The following CAST variants were observed in gnomAD, a reference collection of about 807,000 sequenced individuals.
CAST encodes the protein MIR583 host.
A neutral mutation model predicts 119.6 loss-of-function variants in CAST; 76 were observed. The ratio of observed to expected loss-of-function variants is 0.64; its 90% confidence interval spans 0.53 to 0.77. CAST has a LOEUF of 0.77. Ranked by LOEUF, CAST falls within the 30% of genes least tolerant of loss-of-function variation. The probability of loss-of-function intolerance (pLI) is 0.00; values close to 1 mark genes in which losing one functional copy is unlikely to be tolerated. For missense variants in CAST, 953 were observed against 946.5 expected (o/e 1.01, Z -0.09); for synonymous variants, 319 against 331.6 (o/e 0.96, Z 0.41).
chr5:96,217,168 AG>A, the CAST span, among the ~76,000 whole-genome samples: 1 of 148,788 alleles, frequency 6.7e-6, no homozygotes, highest in Non-Finnish European at 1.5e-5. Flanking sequence ...CCTCTGAAAT[AG>A]CTGGGACTAC....
intron 1 of CAST, among the ~76,000 whole-genome samples, chr5:96,536,705 C>A (rs1014122480): frequency 6.6e-6 from 1 of 152,172 alleles, no homozygotes; most frequent in Non-Finnish European, 1.5e-5. Context: ...CCTATTAAAT[C>A]TGTGCATTAT....
chr5:96,546,543 A>G (rs1580818443), intron 1 of CAST: 1 of 114,212 alleles, frequency 8.8e-6, no homozygotes, highest in African/African-American at 3.4e-5. Flanking sequence ...CAAAATGGAA[A>G]TAGTTATCTG....
In CAST at chr5:96,741,480, A is replaced by G. The variant is rs1312265001; in HGVS notation, c.1012-14A>G. On this transcript the variant is annotated splice_polypyrimidine_tract_variant and intron_variant, in intron 14 of 31. Coordinates refer to ENST00000675179, the MANE Select transcript of CAST (RefSeq NM_001750.7). ...CTCATCTGTAAGTCTAATCTTTTGT[A>G]TTTTGTTTTTCAGGAATCTACAGAA... The G allele has an allele frequency of 2.5e-6, 4 of 1,599,162 alleles. No individual in the cohort carries two copies. The highest frequency in any genetic ancestry group is 1.7e-6 in the Non-Finnish European group (2 of 1,166,950).
intron 1 of CAST, among the ~76,000 whole-genome samples, chr5:96,620,211 A>C (rs1226040490): frequency 2.0e-5 from 3 of 152,070 alleles, no homozygotes; most frequent in Non-Finnish European, 4.4e-5. Flanking sequence ...CATATGCCCC[A>C]AATCCAAAAT....
the CAST span, among the ~76,000 whole-genome samples, chr5:96,154,862 A>G: frequency 9.3e-4 from 142 of 152,334 alleles, no homozygotes; most frequent in Middle Eastern, 3.4e-3. Context: ...AACAGGAGTT[A>G]TCACTGTTAA....
At chr5:96,333,831 G>A in the CAST span, among the ~76,000 whole-genome samples, 2 of 152,166 alleles carry the variant, frequency 1.3e-5, no homozygotes, top group Admixed American at 6.5e-5. Context: ...GGCGTTACAT[G>A]CAACCCTTAG....
chr5:96,084,303 G>A, the CAST span, among the ~76,000 whole-genome samples: 2 of 152,154 alleles, frequency 1.3e-5, no homozygotes, highest in African/African-American at 4.8e-5. Flanking sequence ...AGTAGGCAAG[G>A]TATGTTGGGG....
At chr5:96,715,756 G>A (rs2150375323) in intron 3 of CAST, among the ~76,000 whole-genome samples, 1 of 152,208 alleles carries the variant, frequency 6.6e-6, no homozygotes, top group South Asian at 2.1e-4. Context: ...CTCAGAAATA[G>A]TCTCCCTCTT....
At chr5:96,202,843 G>T in the CAST span, among the ~76,000 whole-genome samples, 2 of 152,044 alleles carry the variant, frequency 1.3e-5, no homozygotes, top group Non-Finnish European at 2.9e-5. Flanking sequence ...AGATGTATTT[G>T]TTGAATGAAT....
At chr5:96,304,570 T>C in the CAST span, among the ~76,000 whole-genome samples, 1 of 152,254 alleles carries the variant, frequency 6.6e-6, no homozygotes, top group South Asian at 2.1e-4. Flanking sequence ...TTCTAGGGTT[T>C]TTATGGTTTT....
At chr5:96,639,476 T>C (rs1339666441) in intron 1 of CAST, among the ~76,000 whole-genome samples, 3 of 152,202 alleles carry the variant, frequency 2.0e-5, no homozygotes, top group African/African-American at 4.8e-5. Context: ...CCTGCACTTG[T>C]TCAGAAACTC....
chr5:96,184,787 G>A, the CAST span, among the ~76,000 whole-genome samples: 1 of 152,048 alleles, frequency 6.6e-6, no homozygotes, highest in Non-Finnish European at 1.5e-5. Flanking sequence ...CCATGCCTTT[G>A]CTATTGTGAA....
intron 1 of CAST, among the ~76,000 whole-genome samples, chr5:96,665,904 G>A (rs1488404513): frequency 5.3e-5 from 8 of 151,402 alleles, no homozygotes; most frequent in Non-Finnish European, 1.2e-4. Flanking sequence ...ACAGATGTCT[G>A]TCTGTATGTA....
the CAST span, among the ~76,000 whole-genome samples, chr5:96,337,877 T>C: frequency 2.0e-5 from 3 of 152,228 alleles, no homozygotes; most frequent in African/African-American, 7.2e-5. Flanking sequence ...AGCAAAGACA[T>C]GAACCTAACA....
At chr5:96,529,372 G>GGT (rs533639806), upstream of CAST, among the ~76,000 whole-genome samples, 9 of 146,426 alleles carry the variant, frequency 6.1e-5, no homozygotes, top group East Asian at 1.6e-3. Flanking sequence ...TAATCATTGG[G>GGT]TTTTTTTTTT....
the CAST span, among the ~76,000 whole-genome samples, chr5:96,018,961 G>A: frequency 6.6e-6 from 1 of 152,066 alleles, no homozygotes. Context: ...AACGAGCTTG[G>A]GTGCTTGTAG....
chr5:96,466,927 G>A, the CAST span, among the ~76,000 whole-genome samples: 1 of 152,062 alleles, frequency 6.6e-6, no homozygotes, highest in Non-Finnish European at 1.5e-5. Context: ...ACTTCTCTTA[G>A]AATGGTTGTA....
chr5:96,286,889 G>A, the CAST span, among the ~76,000 whole-genome samples: 2 of 152,062 alleles, frequency 1.3e-5, no homozygotes, highest in African/African-American at 2.4e-5. Flanking sequence ...TGATACAAAT[G>A]TTAAAATTCA....
At chr5:96,137,606 C>T in the CAST span, among the ~76,000 whole-genome samples, 3 of 152,034 alleles carry the variant, frequency 2.0e-5, no homozygotes, top group African/African-American at 7.2e-5. Context: ...GTGGTTGTAC[C>T]CATCAGCAAT....
Sources: allele counts gnomAD v4.1 joint callset (sites outside exome capture counted in the v4.1 genomes callset), GRCh38; gene constraint gnomAD v4.1.1; transcripts MANE v1.5; gene names NCBI Gene and HGNC (gene_info 2026-07-23, HGNC 2026-07-21).